The following BRAF variants were observed in gnomAD, a reference collection of about 807,000 sequenced individuals.
The protein encoded by BRAF is serine/threonine-protein kinase B-raf.
BRAF carries 16 observed loss-of-function variants against 104.6 expected under a neutral mutation model. The ratio of observed to expected loss-of-function variants is 0.15; its 90% CI spans 0.10 to 0.23. The LOEUF (loss-of-function observed/expected upper bound fraction) is 0.23. BRAF is among the 10% of genes least tolerant of loss of function. The pLI is 1.00. For synonymous variants in BRAF, 310 were observed against 341.6 expected (o/e 0.91, Z 1.02); for missense variants, 541 against 937.3 (o/e 0.58, Z 5.52).
downstream of BRAF, among the ~76,000 whole-genome samples, chr7:140,714,418 AG>A (rs1795094480): frequency 6.6e-6 from 1 of 152,130 alleles, no homozygotes; most frequent in African/African-American, 2.4e-5. Context: ...CCCAGGCTGG[AG>A]GGGAGTGATG....
At chr7:140,862,621 T>C (rs1395915978) in intron 1 of BRAF, among the ~76,000 whole-genome samples, 2 of 152,072 alleles carry the variant, frequency 1.3e-5, no homozygotes, top group African/African-American at 4.8e-5. Context: ...TTCCTATAAC[T>C]AGAATTAATT....
At chr7:140,730,021 G>T (rs1795846975) in intron 19 of BRAF, among the ~76,000 whole-genome samples, 1 of 152,072 alleles carries the variant, frequency 6.6e-6, no homozygotes, top group Non-Finnish European at 1.5e-5. Context: ...AAAAATAAAA[G>T]AATCCATAGT....
Position 140,724,584 on chromosome 7 carries a change from C to T in BRAF, c.*1910G>A, listed in dbSNP as rs1020231565. The stretch of plus-strand genomic sequence containing the variant: ...TCCATTTTACTAGGACAACCTTTTA[C>T]AAGACAATGAAAATTTCAATAGGCT... On this transcript the variant is annotated 3_prime_UTR_variant, in exon 20 of 20. Transcript: ENST00000644969. The T allele has an allele frequency of 4.6e-5, 48 of 1,040,222 alleles. No individual in the cohort carries two copies. In the African/African-American group the frequency reaches 7.5e-4, roughly 16 times the overall value. 64.4% of individuals were successfully genotyped at this position (1,040,222 alleles called of 1,614,324 possible).
At chr7:140,798,450 C>T (rs1403879575) in intron 7 of BRAF, among the ~76,000 whole-genome samples, 2 of 150,422 alleles carry the variant, frequency 1.3e-5, no homozygotes, top group Non-Finnish European at 1.5e-5. Context: ...TTAGTAGAGA[C>T]GGGGTTTCAC....
At chr7:140,719,045 T>C (rs75414934), downstream of BRAF, among the ~76,000 whole-genome samples, 7,664 of 152,254 alleles carry the variant, frequency 0.05, 242 homozygotes, top group Non-Finnish European at 0.07. Flanking sequence ...AGGAAAGCAG[T>C]GGTTTGAAAC....
At chr7:140,744,688 T>C (rs1369095405) in intron 17 of BRAF, among the ~76,000 whole-genome samples, 1 of 152,196 alleles carries the variant, frequency 6.6e-6, no homozygotes, top group Non-Finnish European at 1.5e-5. Flanking sequence ...TCTTAGTATC[T>C]AGTGTCCTAA....
rs1011854720 is a variant in BRAF at position 140,924,391 on chromosome 7, A to G, written c.138+175T>C. On this transcript the variant is annotated intron_variant, in intron 1 of 19. Transcript: ENST00000644969. This position sits in a 1 kb window ranked among gnomAD's most constrained non-coding sequence, Gnocchi z 4.2. ...GGCCATTGTGTGTGTTTACGTAGGA[A>G]GGCGCTGCATGACGGAGAGGGACAC... Among the ~76,000 whole-genome samples, 2 of 152,160 alleles carry G rather than the reference A, an allele frequency of 1.3e-5. No individual in the cohort carries two copies. The highest frequency in any genetic ancestry group is 1.3e-4 in the Admixed American group (2 of 15,286).
chr7:140,852,492 G>A (rs1214123839), intron 1 of BRAF, among the ~76,000 whole-genome samples: 1 of 151,962 alleles, frequency 6.6e-6, no homozygotes, highest in African/African-American at 2.4e-5. Flanking sequence ...TGATTCATAT[G>A]CATATTAAAG....
At chr7:140,887,553 C>A (rs963844235) in intron 1 of BRAF, among the ~76,000 whole-genome samples, 2 of 151,636 alleles carry the variant, frequency 1.3e-5, no homozygotes, top group Admixed American at 1.3e-4. Context: ...TGCAGTGACA[C>A]AAATTGAACA....
At chr7:140,764,534 T>C (rs1282843939) in intron 14 of BRAF, among the ~76,000 whole-genome samples, 1 of 151,688 alleles carries the variant, frequency 6.6e-6, no homozygotes, top group Non-Finnish European at 1.5e-5. Context: ...GACATGATTG[T>C]ATATCTAGAA....
At chr7:140,863,859 A>C (rs910213209) in intron 1 of BRAF, among the ~76,000 whole-genome samples, 1 of 152,186 alleles carries the variant, frequency 6.6e-6, no homozygotes, top group African/African-American at 2.4e-5. Flanking sequence ...CTTTCTGTAG[A>C]GCCTGCAGAA....
chr7:140,871,380 A>G (rs1811578342), intron 1 of BRAF, among the ~76,000 whole-genome samples: 1 of 152,168 alleles, frequency 6.6e-6, no homozygotes, highest in South Asian at 2.1e-4. Context: ...ATTATAGTAA[A>G]TTCTGGCCAC....
At chr7:140,784,434 A>T (rs1357950174) in intron 10 of BRAF, among the ~76,000 whole-genome samples, 1 of 152,148 alleles carries the variant, frequency 6.6e-6, no homozygotes, top group Non-Finnish European at 1.5e-5. Flanking sequence ...TGATCTACTA[A>T]GTAGTTTTAT....
rs1370310332 is a variant in BRAF, at chr7:140,723,036, A to AT, written c.*3457dup. The AT allele has an allele frequency of 9.5e-7, 1 of 1,051,404 alleles. No homozygotes were observed. The highest frequency in any genetic ancestry group is 1.1e-6 in the Non-Finnish European group (1 of 870,680). The allele number at this position is 1,051,404 out of a possible 1,614,324, so 65.1% of individuals were successfully genotyped here. Reference sequence around the variant, plus strand: ...CATGTTCTAGAGCTCCTGACTTTTCATATTTTAAAATAAATAACTATTCAT... The same window carrying AT: ...CATGTTCTAGAGCTCCTGACTTTTCATTATTTTAAAATAAATAACTATTCAT... On this transcript the variant is annotated 3_prime_UTR_variant, in exon 20 of 20. Transcript: ENST00000644969.
In BRAF at chr7:140,887,547, G is replaced by GTT. The variant is rs547349841; in HGVS notation, c.138+37018_138+37019insAA. ...TTCCCTTTTGGGTAATATGGCTGCA[G>GTT]TGACACAAATTGAACAATAAGTTAC... is the stretch of plus-strand genomic sequence containing the variant. On this transcript the variant is annotated intron_variant, in intron 1 of 19. Transcript: ENST00000644969. Among the ~76,000 whole-genome samples the GTT allele has an allele frequency of 1.1e-3, 170 of 152,254 alleles. 4 individuals are homozygous for GTT. In the South Asian group the frequency reaches 0.035, roughly 31 times the overall value.
chr7:140,770,995 AGAGT>A (rs1438383286), intron 14 of BRAF, among the ~76,000 whole-genome samples: 1 of 151,986 alleles, frequency 6.6e-6, no homozygotes, highest in Non-Finnish European at 1.5e-5. Flanking sequence ...CTGATTCCTC[AGAGT>A]GAGTTTATAA....
Position 140,753,396 on chromosome 7 carries a change from G to A in BRAF, c.1862-3C>T, listed in dbSNP as rs2128998501. 2.6e-6 allele frequency: 4 copies of A among 1,563,892 alleles called. 1 individual carries two copies. In the South Asian group the frequency reaches 4.4e-5, roughly 17 times the overall value. On this transcript the variant is annotated splice_polypyrimidine_tract_variant and splice_region_variant and intron_variant, in intron 15 of 19. Coordinates refer to ENST00000644969, the MANE Select transcript of BRAF (RefSeq NM_001374258.1). ...GAGGTCTTCATGAAGAAATATATCT[G>A]AGGTGTAGTAAGTAAAGGAAAACAG... is the stretch of plus-strand genomic sequence containing the variant.
chr7:140,827,680 A>G (rs1391140977), intron 3 of BRAF, among the ~76,000 whole-genome samples: 1 of 152,158 alleles, frequency 6.6e-6, no homozygotes, highest in African/African-American at 2.4e-5. Flanking sequence ...TGATATTCAC[A>G]TCCTTTGTTC....
At chr7:140,774,938 G>A (rs1483961178) in intron 14 of BRAF, among the ~76,000 whole-genome samples, 1 of 152,146 alleles carries the variant, frequency 6.6e-6, no homozygotes, top group Non-Finnish European at 1.5e-5. Flanking sequence ...GAGTATGCCA[G>A]GTCCCATTCT....
Sources: allele counts gnomAD v4.1 joint callset (sites outside exome capture counted in the v4.1 genomes callset), GRCh38; gene constraint gnomAD v4.1.1; non-coding constraint Gnocchi (gnomAD v3.1); transcripts MANE v1.5; gene names NCBI Gene and HGNC (gene_info 2026-07-23, HGNC 2026-07-21).